UNC79: variants seen among roughly 807,000 people sequenced by gnomAD.
UNC79 encodes unc-79 subunit of NALCN channel complex.
UNC79 carries 37 observed loss-of-function variants against 283.1 expected under a neutral mutation model. That is an observed-to-expected ratio of 0.13 (90% CI 0.10 to 0.17). The LOEUF (loss-of-function observed/expected upper bound fraction) is 0.17. Ranked by LOEUF, UNC79 falls within the 10% of genes least tolerant of loss-of-function variation. UNC79 has a pLI of 1.00. For synonymous variants in UNC79, 1,107 were observed against 1,200.2 expected, an observed-to-expected ratio of 0.92 and a Z score of 1.61; for missense variants, 2,272 against 3,211.1, an observed-to-expected ratio of 0.71 and a Z score of 7.07.
chr14:93,392,303 A>C (rs937730950), intron 1 of UNC79, among the ~76,000 whole-genome samples: 2 of 152,240 alleles, frequency 1.3e-5, no homozygotes, highest in African/African-American at 4.8e-5. Context: ...AACAATGTTG[A>C]AGGACAGAAG....
chr14:93,509,573 G>A (rs1188058741), intron 7 of UNC79, among the ~76,000 whole-genome samples: 1 of 152,094 alleles, frequency 6.6e-6, no homozygotes, highest in East Asian at 1.9e-4. Context: ...GGGCTACATG[G>A]CCCATGAAGT....
At chr14:93,372,472 G>A (rs12897179) in intron 1 of UNC79, among the ~76,000 whole-genome samples, 24,942 of 152,202 alleles carry the variant, frequency 0.16, 2,657 homozygotes, top group Admixed American at 0.25. Context: ...AAAAGTAAAT[G>A]GAGAAAGATA....
At position 93,395,755 on chromosome 14, in the gene UNC79, A is replaced by G. The variant is rs143551098; in HGVS notation, c.-351+62232A>G. Among the ~76,000 whole-genome samples, 355 of 152,172 alleles carry G rather than the reference A, an allele frequency of 2.3e-3. 1 individual carries two copies. Among genetic ancestry groups the G allele is most frequent in the South Asian group, 5.6e-3 (27 of 4,816 alleles). ...CCATTTCTGGTCTCTACAATTTCTG[A>G]TGAGAAATCAGCTGTTGATCTTATT... is the stretch of plus-strand genomic sequence containing the variant. On this transcript the variant is annotated intron_variant, in intron 1 of 49. Transcript: ENST00000256339.
At chr14:93,429,235 G>A (rs1474206225), upstream of UNC79, among the ~76,000 whole-genome samples, 18 of 152,052 alleles carry the variant, frequency 1.2e-4, no homozygotes, top group Non-Finnish European at 2.1e-4. Context: ...TACTCAGAAC[G>A]AACTCTTTGG....
intron 5 of UNC79, among the ~76,000 whole-genome samples, chr14:93,494,319 A>G (rs925739537): frequency 5.3e-5 from 8 of 151,914 alleles, no homozygotes; most frequent in Non-Finnish European, 1.0e-4. Flanking sequence ...GCCAGGCCCC[A>G]CCTCCAACAC....
At chr14:93,557,150 CAG>C (rs1392315388) in intron 14 of UNC79, among the ~76,000 whole-genome samples, 2 of 152,160 alleles carry the variant, frequency 1.3e-5, no homozygotes, top group African/African-American at 4.8e-5. Context: ...TAAGTGTGAG[CAG>C]AGAGTGTGAC....
chr14:93,534,465 T>A (rs143510207), intron 11 of UNC79, among the ~76,000 whole-genome samples: 1 of 152,194 alleles, frequency 6.6e-6, no homozygotes, highest in Non-Finnish European at 1.5e-5. Context: ...GTGAATCTCA[T>A]TGGGGTCCTG....
chr14:93,483,752 A>G (rs1246680462), intron 4 of UNC79, among the ~76,000 whole-genome samples: 1 of 138,816 alleles, frequency 7.2e-6, no homozygotes, highest in African/African-American at 2.7e-5. Flanking sequence ...AGGTGTTCTC[A>G]GTGTTCAATT....
At chr14:93,491,566 C>T (rs772758573) in intron 5 of UNC79, among the ~76,000 whole-genome samples, 19 of 151,936 alleles carry the variant, frequency 1.3e-4, no homozygotes, top group Admixed American at 1.3e-4. Flanking sequence ...AGTTTTTTAC[C>T]CCCTGAAACC....
rs541070091 is a variant in UNC79, at chr14:93,432,683, C to G, written c.22+1632C>G. 1.1e-4 allele frequency among the ~76,000 whole-genome samples: 17 copies of G among 152,230 alleles called. 1 individual carries two copies. The highest frequency in any genetic ancestry group is 3.4e-4 in the African/African-American group (14 of 41,544). On this transcript the variant is annotated intron_variant, in intron 1 of 48. Transcript: ENST00000555664. ...GTTTTTGAAAAAAATTGGGTGCATT[C>G]TGTTTTGAGGAATGGTAACATAGTT...
rs375336108 is a variant in UNC79 at position 93,347,288 on chromosome 14, G to A, written c.-351+13765G>A. ...CGCGATATGCCTCTCCTGCGTGGGC[G>A]CTGTCCTGCCCGCCGCCACTACCGC... is the stretch of plus-strand genomic sequence containing the variant. On this transcript the variant is annotated intron_variant, in intron 1 of 49. Transcript: ENST00000256339. The A allele has an allele frequency of 1.1e-5, 17 of 1,604,752 alleles. No individual in the cohort carries two copies. The Middle Eastern group carries it at 6.6e-4, about 62-fold the overall frequency.
intron 14 of UNC79, among the ~76,000 whole-genome samples, chr14:93,568,647 G>A (rs2063038540): frequency 6.6e-6 from 1 of 151,610 alleles, no homozygotes; most frequent in African/African-American, 2.4e-5. Flanking sequence ...CTCCAGCCTG[G>A]GTAACAGGAG....
chr14:93,637,356 A>C, intron 32 of UNC79, 57 bp downstream of exon 35: 2 of 1,599,116 alleles, frequency 1.3e-6, no homozygotes, highest in Non-Finnish European at 1.7e-6. Flanking sequence ...GGACATGTCC[A>C]TCATTTGGTC....
intron 1 of UNC79, among the ~76,000 whole-genome samples, chr14:93,340,620 G>C (rs371086200): frequency 7.3e-5 from 11 of 151,078 alleles, no homozygotes; most frequent in African/African-American, 2.2e-4. Flanking sequence ...TCCCAGGCTG[G>C]TGTGCAGTGA....
At chr14:93,465,744 C>T (rs1256150048) in intron 1 of UNC79, among the ~76,000 whole-genome samples, 1 of 152,084 alleles carries the variant, frequency 6.6e-6, no homozygotes, top group Non-Finnish European at 1.5e-5. Flanking sequence ...TTGTCCATAC[C>T]CTGTACTATT....
chr14:93,653,133 C>A (rs2070481579), intron 35 of UNC79, among the ~76,000 whole-genome samples: 1 of 152,062 alleles, frequency 6.6e-6, no homozygotes, highest in Non-Finnish European at 1.5e-5. Flanking sequence ...CAAGAAGCAT[C>A]CTTTCTGGTA....
chr14:93,355,121 C>T (rs2054058931), intron 1 of UNC79, among the ~76,000 whole-genome samples: 1 of 151,982 alleles, frequency 6.6e-6, no homozygotes, highest in African/African-American at 2.4e-5. Flanking sequence ...CCTCCTCCTC[C>T]TGGGTTCAAG....
At chr14:93,548,915 G>A (rs938222607) in intron 14 of UNC79, among the ~76,000 whole-genome samples, 1 of 152,070 alleles carries the variant, frequency 6.6e-6, no homozygotes, top group Non-Finnish European at 1.5e-5. Flanking sequence ...ACTGTGAATT[G>A]CCTATTGTAT....
intron 1 of UNC79, among the ~76,000 whole-genome samples, chr14:93,434,199 G>T (rs976175090): frequency 6.6e-6 from 1 of 150,566 alleles, no homozygotes; most frequent in African/African-American, 2.4e-5. Context: ...GGAAACCAGA[G>T]CAAAACTCCG....
Sources: gnomAD v4.1 joint callset for allele counts (sites outside exome capture counted in the v4.1 genomes callset) on GRCh38, gnomAD v4.1.1 for gene constraint, MANE v1.5 for transcripts, NCBI Gene and HGNC (gene_info 2026-07-23, HGNC 2026-07-21) for gene names.